TICRR: variants seen among roughly 807,000 people sequenced by gnomAD.
The protein encoded by TICRR is treslin.
Under a neutral mutation model 178.1 loss-of-function variants are expected in TICRR, and 132 were observed. The ratio of observed to expected loss-of-function variants is 0.74; its 90% CI spans 0.64 to 0.86. The LOEUF is 0.86. Ranked by LOEUF, TICRR falls within the 40% of genes least tolerant of loss-of-function variation. The probability of loss-of-function intolerance (pLI) is 0.00; values close to 1 mark genes in which losing one functional copy is unlikely to be tolerated. For missense variants in TICRR, 2,587 were observed against 2,334.3 expected, an observed-to-expected ratio of 1.11 and a Z score of -2.23; for synonymous variants, 991 against 900.7, an observed-to-expected ratio of 1.10 and a Z score of -1.79.
In TICRR at chr15:89,624,922, G is replaced by A. The variant is rs1963490760; in HGVS notation, c.4612G>A (p.Ala1538Thr). ...TTDGRQCQAS[A>T]QLDNLPASAW... The stretch of plus-strand genomic sequence containing the variant: ...AGATGGGAGACAGTGCCAGGCTTCG[G>A]CACAACTAGACAACCTGCCAGCATC... Residue 1538 changes from alanine to threonine, a missense_variant, in exon 20 of 22, where the codon GCA (alanine) becomes ACA (threonine). Coordinates refer to ENST00000268138, the MANE Select transcript of TICRR (RefSeq NM_152259.4). 1 of 1,614,060 alleles carries A rather than the reference G, an allele frequency of 6.2e-7. No homozygotes were observed. The highest frequency in any genetic ancestry group is 2.2e-5 in the East Asian group (1 of 44,870).
intron 1 of TICRR, among the ~76,000 whole-genome samples, chr15:89,576,905 ATATT>A (rs1341727272): frequency 4.1e-5 from 6 of 147,726 alleles, no homozygotes; most frequent in Middle Eastern, 3.6e-3. Context: ...ATACATATAT[ATATT>A]TATTTATTAT....
At chr15:89,617,005 G>C (rs1464236747) in intron 16 of TICRR, among the ~76,000 whole-genome samples, 1 of 152,156 alleles carries the variant, frequency 6.6e-6, no homozygotes, top group African/African-American at 2.4e-5. Context: ...TGGTATACCT[G>C]GGTTGTCAGC....
chr15:89,579,161 C>T lies in TICRR; in HGVS notation c.654+2921C>T, dbSNP rs540844438. ...TAGATTTATTCAATACATATTTGTT[C>T]CATACCTGCCAGGTATGCTAAGGAA... On this transcript the variant is annotated intron_variant, in intron 1 of 21. Transcript: ENST00000268138. Among the ~76,000 whole-genome samples, 196 of 152,244 alleles carry T rather than the reference C, an allele frequency of 1.3e-3. 1 individual carries two copies. Among genetic ancestry groups the T allele is most frequent in the African/African-American group, 4.4e-3 (182 of 41,536 alleles).
intron 1 of TICRR, among the ~76,000 whole-genome samples, chr15:89,580,821 C>G (rs922113233): frequency 6.6e-6 from 1 of 152,116 alleles, no homozygotes; most frequent in African/African-American, 2.4e-5. Context: ...CTCTTGCACC[C>G]AGGAGTTTGA....
At chr15:89,618,350 A>G (rs972816155) in intron 17 of TICRR, 140 bp downstream of exon 17, 8 of 764,144 alleles carry the variant, frequency 1.0e-5, no homozygotes, top group Middle Eastern at 2.4e-4. Flanking sequence ...AGCTCAGTAA[A>G]TATTTATAAG....
At chr15:89,597,564 G>A (rs1311795435) in intron 7 of TICRR, among the ~76,000 whole-genome samples, 1 of 151,658 alleles carries the variant, frequency 6.6e-6, no homozygotes, top group African/African-American at 2.4e-5. Flanking sequence ...ATTTATGTAG[G>A]TCTATTTCCA....
In TICRR at chr15:89,602,803, G is replaced by T. The variant is rs1206142735; in HGVS notation, c.2575G>T (p.Ala859Ser). The T allele has an allele frequency of 2.0e-6, 3 of 1,467,962 alleles. No homozygotes were observed. The highest frequency in any genetic ancestry group is 2.7e-6 in the Non-Finnish European group (3 of 1,106,046). 90.9% of individuals were successfully genotyped at this position (1,467,962 alleles called of 1,614,324 possible). A position where few individuals can be genotyped will look rare whatever the true frequency, so the allele number is the denominator to read the frequency against. The change falls in exon 13 of 22, where the codon GCA (alanine) becomes TCA (serine). Residue 859 changes from alanine (A) to serine (S), a missense_variant. By Grantham distance (99) the Ala-to-Ser change is moderately conservative. Transcript: ENST00000268138. Reference protein sequence around the residue: ...TRSAKKRRKNALIRHKSIAEV... With the variant: ...TRSAKKRRKNSLIRHKSIAEV... ...TATTTCTATTTTTAAAAGGAAAAAT[G>T]CATTAATAAGACATAAAAGCATTGC...
At position 89,624,975 on chromosome 15, in the gene TICRR, C is replaced by G. The variant is rs762966939; in HGVS notation, c.4665C>G (p.Ser1555Arg). ...CTTGGCATTCCACAGACTCTGCCAG[C>G]CCACAGACCTATGAGGTTGAGCTGG... ...ASAWHSTDSA[S>R]PQTYEVELEM... Residue 1555 changes from serine to arginine, a missense_variant, in exon 20 of 22, where the codon AGC becomes AGG. Coordinates refer to ENST00000268138, the MANE Select transcript of TICRR (RefSeq NM_152259.4). The G allele has an allele frequency of 5.0e-6, 8 of 1,613,968 alleles. No homozygotes were observed. In the African/African-American group the frequency reaches 9.3e-5, roughly 19 times the overall value.
chr15:89,625,645 G>A lies in TICRR; in HGVS notation c.5335G>A (p.Ala1779Thr), dbSNP rs1283728794. The A allele has an allele frequency of 1.2e-6, 2 of 1,613,568 alleles. No homozygotes were observed. The highest frequency in any genetic ancestry group is 4.5e-5 in the East Asian group (2 of 44,872). The change falls in exon 20 of 22, where the codon GCC becomes ACC. Residue 1779 changes from alanine to threonine, a missense_variant. Coordinates refer to ENST00000268138, the MANE Select transcript of TICRR (RefSeq NM_152259.4). ...GAGTTCCAGGAAGAGAGTCCTGTTG[G>A]CCAAGGAAGAAGCTGACCGTGGAGC... ...GLSSRKRVLL[A>T]KEEADRGAKR...
In TICRR at chr15:89,606,769, A is replaced by G. The variant is rs1293398235; in HGVS notation, c.2666A>G (p.Glu889Gly). ...PKVSKRATKK[E>G]NSHPAPQQPS... The stretch of plus-strand genomic sequence containing the variant: ...TTTCTGGATTTTCTCATGTTTCAGG[A>G]GAACTCTCACCCTGCTCCTCAGCAG... Residue 889 changes from glutamate (E) to glycine (G), a missense_variant and splice_region_variant, in exon 14 of 22, where the codon GAG becomes GGG. Coordinates refer to ENST00000268138, the MANE Select transcript of TICRR (RefSeq NM_152259.4). 1 of 1,613,594 alleles carries G rather than the reference A, an allele frequency of 6.2e-7. No individual in the cohort carries two copies. Among genetic ancestry groups the G allele is most frequent in the East Asian group, 2.2e-5 (1 of 44,858 alleles).
intron 12 of TICRR, among the ~76,000 whole-genome samples, chr15:89,602,548 T>G (rs887181675): frequency 3.3e-5 from 5 of 152,158 alleles, no homozygotes; most frequent in Non-Finnish European, 7.4e-5. Flanking sequence ...AAACTAGGCC[T>G]TCTATGAAAT....
intron 16 of TICRR, among the ~76,000 whole-genome samples, chr15:89,617,420 C>G (rs1378168873): frequency 6.6e-6 from 1 of 152,126 alleles, no homozygotes; most frequent in Non-Finnish European, 1.5e-5. Flanking sequence ...CTGTGATAGT[C>G]TGATAGTTTG....
At chr15:89,577,599 CTTTTTTTTTTTTTT>C (rs71151513) in intron 1 of TICRR, among the ~76,000 whole-genome samples, 4 of 60,858 alleles carry the variant, frequency 6.6e-5, no homozygotes, top group African/African-American at 1.5e-4. Flanking sequence ...GAGGGAAGGC[CTTTTTTTTTTTTTT>C]TTTTTTTTTT....
rs141989878 is a variant in TICRR at position 89,625,664 on chromosome 15, G to C, written c.5354G>C (p.Arg1785Pro). The stretch of plus-strand genomic sequence containing the variant: ...CTGTTGGCCAAGGAAGAAGCTGACC[G>C]TGGAGCCAAAAGGATCTGTGACCTG... ...RVLLAKEEAD[R>P]GAKRICDLRE... The change falls in exon 20 of 22, where the codon CGT (arginine) becomes CCT (proline). Residue 1785 changes from arginine to proline, a missense_variant. Coordinates refer to ENST00000268138, the MANE Select transcript of TICRR (RefSeq NM_152259.4). 3 of 1,613,642 alleles carry C rather than the reference G, an allele frequency of 1.9e-6. No individual in the cohort carries two copies. The African/African-American group carries it at 4.0e-5, about 22-fold the overall frequency.
At position 89,601,511 on chromosome 15, in the gene TICRR, T is replaced by C. The variant is rs1963096256; in HGVS notation, c.2270T>C (p.Val757Ala). The C allele has an allele frequency of 3.5e-5, 56 of 1,614,182 alleles. No homozygotes were observed. The highest frequency in any genetic ancestry group is 4.7e-5 in the Non-Finnish European group (55 of 1,180,030). The change falls in exon 11 of 22, where the codon GTG becomes GCG. Residue 757 changes from valine (V) to alanine (A), a missense_variant. Coordinates refer to ENST00000268138, the MANE Select transcript of TICRR (RefSeq NM_152259.4). ...CAGGTGACAGATTTGCTGCGCATGG[T>C]GTGTTTAACTGAGGATTCAGCGTAC... ...VEEVTDLLRM[V>A]CLTEDSAYLA...
chr15:89,610,338 T>C (rs1436642550), intron 15 of TICRR, among the ~76,000 whole-genome samples: 1 of 151,976 alleles, frequency 6.6e-6, no homozygotes, highest in Non-Finnish European at 1.5e-5. Flanking sequence ...TTGAATTATT[T>C]ATTTCTCCCT....
At chr15:89,581,597 T>A (rs1292352112) in intron 1 of TICRR, among the ~76,000 whole-genome samples, 3 of 152,178 alleles carry the variant, frequency 2.0e-5, no homozygotes, top group African/African-American at 7.2e-5. Flanking sequence ...CCTTAAAATA[T>A]GGCATGTTCA....
Position 89,625,280 on chromosome 15 carries a change from CCT to C in TICRR, c.4974_4975del (p.Pro1659IlefsTer24). ...CCCACCCACGGCCCTTCTAGTACCC[CCT>C]CTCCATTTCAAACAGATGGGGTTCC... On this transcript the variant is annotated frameshift_variant, in exon 20 of 22. Transcript: ENST00000268138. LOFTEE classifies it high-confidence loss of function. 1.2e-6 allele frequency: 2 copies of C among 1,614,040 alleles called. No homozygotes were observed. Among genetic ancestry groups the C allele is most frequent in the Non-Finnish European group, 1.7e-6 (2 of 1,179,930 alleles).
In TICRR at chr15:89,625,908, C is replaced by T; in HGVS notation, c.5477-28C>T. 4.5e-6 allele frequency: 7 copies of T among 1,546,844 alleles called. No individual in the cohort carries two copies. The South Asian group carries it at 7.7e-5, about 17-fold the overall frequency. On this transcript the variant is annotated intron_variant, in intron 20 of 21. Coordinates refer to ENST00000268138, the MANE Select transcript of TICRR (RefSeq NM_152259.4). The stretch of plus-strand genomic sequence containing the variant: ...CTTCCCGGTTGGGGGTCTGGGGACG[C>T]TGCTCTTACTATGTGGGATCTCTTT...
Sources: gnomAD v4.1 joint callset for allele counts (sites outside exome capture counted in the v4.1 genomes callset) on GRCh38, gnomAD v4.1.1 for gene constraint, MANE v1.5 for transcripts, NCBI Gene and HGNC (gene_info 2026-07-23, HGNC 2026-07-21) for gene names.